The following PEPD variants were observed in gnomAD, a reference collection of about 807,000 sequenced individuals.
The protein encoded by PEPD is xaa-Pro dipeptidase.
In PEPD, 53 loss-of-function variants were observed where a neutral mutation model predicts 60.7. That is an observed-to-expected ratio of 0.87 (90% CI 0.70 to 1.10). The LOEUF is 1.10. Ranked by LOEUF, PEPD falls within the 50% of genes least tolerant of loss-of-function variation. PEPD has a pLI of 0.00. For missense variants in PEPD, 711 were observed against 711.9 expected (o/e 1.00, Z 0.01); for synonymous variants, 267 against 284.1 (o/e 0.94, Z 0.60).
chr19:33,408,800 G>C (rs1481680931), intron 11 of PEPD, among the ~76,000 whole-genome samples: 1 of 152,168 alleles, frequency 6.6e-6, no homozygotes, highest in East Asian at 1.9e-4. Flanking sequence ...TTTCATGTTG[G>C]GATAACAGAC....
At chr19:33,515,005 C>A (rs1970999173) in intron 1 of PEPD, among the ~76,000 whole-genome samples, 1 of 152,156 alleles carries the variant, frequency 6.6e-6, no homozygotes, top group Admixed American at 6.5e-5. Flanking sequence ...GCACACAGCA[C>A]CTTCCAACCT....
At chr19:33,435,172 C>A (rs897916240) in intron 9 of PEPD, among the ~76,000 whole-genome samples, 6 of 152,178 alleles carry the variant, frequency 3.9e-5, no homozygotes, top group African/African-American at 1.4e-4. Context: ...TGGCCACCCG[C>A]GGCTGCCCGA....
At chr19:33,388,429 G>C (rs1225468938) in intron 13 of PEPD, 13 of 487,010 alleles carry the variant, frequency 2.7e-5, no homozygotes, top group Non-Finnish European at 3.4e-5. Context: ...CTGCTGGCCA[G>C]AGGAGTGGCA....
intron 2 of PEPD, 153 bp from the exon 3 acceptor site, chr19:33,511,308 A>C: frequency 1.4e-6 from 1 of 738,762 alleles, no homozygotes; most frequent in South Asian, 1.5e-5. Flanking sequence ...TCAGCACTCG[A>C]CTCCCCAGCT....
At chr19:33,439,307 G>A (rs182231280) in intron 9 of PEPD, among the ~76,000 whole-genome samples, 2 of 152,326 alleles carry the variant, frequency 1.3e-5, no homozygotes, top group East Asian at 3.9e-4. Flanking sequence ...CTCTGGGCTG[G>A]GCACCTGAGC....
In PEPD at chr19:33,498,687, G is replaced by A. The variant is rs535036327; in HGVS notation, c.393+2251C>T. Among the ~76,000 whole-genome samples the A allele has an allele frequency of 1.3e-3, 195 of 151,866 alleles. 2 individuals are homozygous for A. Among genetic ancestry groups the A allele is most frequent in the Non-Finnish European group, 2.6e-3 (175 of 67,922 alleles). On this transcript the variant is annotated intron_variant, in intron 4 of 14. Coordinates refer to ENST00000244137, the MANE Select transcript of PEPD (RefSeq NM_000285.4). ...GTGCCCATTCCACCAGGATCCTTGA[G>A]ACAGGGTCCTGGAGACAGGTGCCCA... is the stretch of plus-strand genomic sequence containing the variant.
chr19:33,391,269 A>G, intron 13 of PEPD, 26 bp downstream of exon 13: 12 of 1,579,754 alleles, frequency 7.6e-6, no homozygotes, highest in South Asian at 1.1e-5. Flanking sequence ...TGGGCAGGCC[A>G]CTCCGCCTGC....
intron 3 of PEPD, among the ~76,000 whole-genome samples, chr19:33,505,315 T>C (rs538640220): frequency 2.0e-5 from 3 of 152,216 alleles, no homozygotes; most frequent in South Asian, 2.1e-4. Context: ...CTGAGGATGT[T>C]AGCTGGTCAG....
At chr19:33,451,102 C>T (rs1204574666) in intron 9 of PEPD, among the ~76,000 whole-genome samples, 1 of 152,200 alleles carries the variant, frequency 6.6e-6, no homozygotes, top group Non-Finnish European at 1.5e-5. Context: ...GGTAGCCCTG[C>T]TCTGCAGGGG....
At chr19:33,479,100 T>C (rs978435648) in intron 6 of PEPD, among the ~76,000 whole-genome samples, 2 of 152,200 alleles carry the variant, frequency 1.3e-5, no homozygotes, top group Admixed American at 1.3e-4. Context: ...GGGCAAGCTT[T>C]TGCATGCTAT....
chr19:33,465,771 T>C (rs1431256742), intron 7 of PEPD, among the ~76,000 whole-genome samples: 2 of 152,030 alleles, frequency 1.3e-5, no homozygotes, highest in African/African-American at 4.8e-5. Flanking sequence ...AAAGAGCGCA[T>C]GACCCACTCT....
intron 6 of PEPD, among the ~76,000 whole-genome samples, chr19:33,482,947 A>T (rs117443466): frequency 2.6e-5 from 4 of 152,374 alleles, no homozygotes; most frequent in Non-Finnish European, 5.9e-5. Flanking sequence ...ACTATGGCCC[A>T]TAACTGCAGA....
chr19:33,474,972 C>A (rs1251360191), intron 7 of PEPD, among the ~76,000 whole-genome samples: 5 of 148,142 alleles, frequency 3.4e-5, no homozygotes, highest in Admixed American at 6.8e-5. Context: ...AAAGTGAGAT[C>A]CTGTCTCTTA....
intron 11 of PEPD, among the ~76,000 whole-genome samples, chr19:33,404,857 T>A (rs1400463831): frequency 1.3e-5 from 2 of 152,184 alleles, no homozygotes; most frequent in Non-Finnish European, 2.9e-5. Flanking sequence ...CATAAGTTAT[T>A]CAGATGCAAG....
intron 12 of PEPD, among the ~76,000 whole-genome samples, chr19:33,394,412 T>C (rs56361048): frequency 0.17 from 26,011 of 152,252 alleles, 2,678 homozygotes; most frequent in African/African-American, 0.29. Context: ...GGGGTCCCCT[T>C]GGCGCCGCTG....
At chr19:33,446,971 C>A (rs1203300923) in intron 9 of PEPD, among the ~76,000 whole-genome samples, 2 of 152,350 alleles carry the variant, frequency 1.3e-5, no homozygotes, top group African/African-American at 4.8e-5. Context: ...AACCAGCCAC[C>A]CAGACATTGG....
intron 9 of PEPD, among the ~76,000 whole-genome samples, chr19:33,432,439 A>C (rs916719521): frequency 6.6e-6 from 1 of 152,206 alleles, no homozygotes; most frequent in Non-Finnish European, 1.5e-5. Context: ...CCCAAGCAAA[A>C]GGAGCCCACC....
chr19:33,512,332 G>A (rs1970942231), intron 2 of PEPD, among the ~76,000 whole-genome samples: 1 of 152,190 alleles, frequency 6.6e-6, no homozygotes, highest in Non-Finnish European at 1.5e-5. Flanking sequence ...ATGTTCCTGT[G>A]CCTGGGGACT....
chr19:33,457,553 GCT>G (rs1969825682), intron 9 of PEPD, among the ~76,000 whole-genome samples: 6 of 152,150 alleles, frequency 3.9e-5, no homozygotes, highest in Admixed American at 3.9e-4. Context: ...ATGGAGTCTC[GCT>G]CTGTTGCCCA....
Sources: gnomAD v4.1 joint callset for allele counts (sites outside exome capture counted in the v4.1 genomes callset) on GRCh38, gnomAD v4.1.1 for gene constraint, MANE v1.5 for transcripts, NCBI Gene and HGNC (gene_info 2026-07-23, HGNC 2026-07-21) for gene names.